Variants in IGF1 observed in about 807,000 individuals in gnomAD.
IGF1 encodes the protein insulin like growth factor 1.
In IGF1, 4 loss-of-function variants were observed where a neutral mutation model predicts 13.8. The observed-to-expected ratio is 0.29, with a 90% confidence interval of 0.14 to 0.66. The LOEUF is 0.66. Ranked by LOEUF, IGF1 falls within the 30% of genes least tolerant of loss-of-function variation. The pLI is 0.78. For synonymous variants in IGF1, 76 were observed against 72.6 expected (o/e 1.05, Z -0.23); for missense variants, 124 against 188.5 (o/e 0.66, Z 2.00).
Position 102,406,874 on chromosome 12 carries a change from C to G in IGF1, c.403-4308G>C, listed in dbSNP as rs372462241. Among the ~76,000 whole-genome samples the G allele has an allele frequency of 7.2e-5, 11 of 152,176 alleles. No individual in the cohort carries two copies. The East Asian group carries it at 1.7e-3, about 24-fold the overall frequency. On this transcript the variant is annotated intron_variant, in intron 3 of 3. Transcript: ENST00000337514. ...TTGGGAGGCCGAGGTGGGCAGATCA[C>G]TTGAGGTCAGGAGCTGGAGACCAGC...
chr12:102,442,398 A>C (rs544245408), intron 2 of IGF1, among the ~76,000 whole-genome samples: 8 of 152,212 alleles, frequency 5.3e-5, no homozygotes, highest in African/African-American at 1.7e-4. Context: ...TAATTCATTT[A>C]CTTGATATGA....
intron 2 of IGF1, among the ~76,000 whole-genome samples, chr12:102,459,285 G>A (rs747344501): frequency 3.9e-5 from 6 of 152,108 alleles, no homozygotes; most frequent in Non-Finnish European, 8.8e-5. Context: ...AATTTACATA[G>A]CCATGAATGG....
chr12:102,480,859 T>C (rs996088124), upstream of IGF1, among the ~76,000 whole-genome samples: 1 of 152,220 alleles, frequency 6.6e-6, no homozygotes, highest in Non-Finnish European at 1.5e-5. Context: ...CTGCTGGGCA[T>C]GAAGACACAA....
intron 2 of IGF1, among the ~76,000 whole-genome samples, chr12:102,437,161 G>C (rs1011488029): frequency 6.6e-6 from 1 of 152,236 alleles, no homozygotes; most frequent in African/African-American, 2.4e-5. Flanking sequence ...CACTCATTGA[G>C]AAGTCAACGG....
chr12:102,402,891 T>C (rs1049381547), intron 3 of IGF1, among the ~76,000 whole-genome samples: 3 of 152,248 alleles, frequency 2.0e-5, no homozygotes, highest in African/African-American at 7.2e-5. Context: ...TCCAGCCTTC[T>C]GGCCTCTAGA....
intron 2 of IGF1, among the ~76,000 whole-genome samples, chr12:102,441,906 G>GCTGCTTCTTCTTCTTCTTCTTTT: frequency 1.0e-5 from 1 of 100,292 alleles, no homozygotes; most frequent in Non-Finnish European, 2.1e-5. Flanking sequence ...CTATTACACT[G>GCTGCTTCTTCTTCTTCTTCTTTT]CTTCTTCTCC....
intron 2 of IGF1, among the ~76,000 whole-genome samples, chr12:102,452,211 G>A (rs550345770): frequency 1.5e-3 from 183 of 122,742 alleles, no homozygotes; most frequent in Admixed American, 3.3e-3. Flanking sequence ...GCAGTGAGCC[G>A]AGATCGCGCC....
chr12:102,440,401 TCA>T (rs1390414708), intron 2 of IGF1, among the ~76,000 whole-genome samples: 4 of 152,178 alleles, frequency 2.6e-5, no homozygotes. Flanking sequence ...TCATGGAATG[TCA>T]GAGCTGCAAG....
intron 2 of IGF1, among the ~76,000 whole-genome samples, chr12:102,441,875 C>A (rs188210149): frequency 7.9e-6 from 1 of 126,198 alleles, no homozygotes; most frequent in Non-Finnish European, 1.7e-5. Flanking sequence ...AAACTCAAGA[C>A]TTTCTGAGCA....
intron 2 of IGF1, among the ~76,000 whole-genome samples, chr12:102,426,059 T>C (rs967744502): frequency 6.6e-6 from 1 of 152,260 alleles, no homozygotes; most frequent in Non-Finnish European, 1.5e-5. Context: ...TAGCTACCAT[T>C]TTCTAGTTAT....
chr12:102,404,731 C>T (rs1286042053), intron 3 of IGF1, among the ~76,000 whole-genome samples: 2 of 151,028 alleles, frequency 1.3e-5, no homozygotes, highest in African/African-American at 4.9e-5. Context: ...CTGCTAAGTT[C>T]CCAGTAAACT....
intron 2 of IGF1, among the ~76,000 whole-genome samples, chr12:102,457,911 T>G (rs1879549831): frequency 6.6e-6 from 1 of 152,192 alleles, no homozygotes; most frequent in Admixed American, 6.5e-5. Flanking sequence ...CTGCTCTGGC[T>G]TTTTCGTTTC....
chr12:102,417,420 C>CAT, intron 3 of IGF1: 1 of 454,152 alleles, frequency 2.2e-6, no homozygotes, highest in South Asian at 9.3e-5. Context: ...TAACTCTGAA[C>CAT]ATATATTGAC....
rs116231652 is a variant in IGF1, at chr12:102,438,807, T to C, written c.221-19117A>G. Among the ~76,000 whole-genome samples, 674 of 152,284 alleles carry C rather than the reference T, an allele frequency of 4.4e-3. 4 individuals carry two copies. The highest frequency in any genetic ancestry group is 0.015 in the African/African-American group (641 of 41,558). On this transcript the variant is annotated intron_variant, in intron 2 of 3. Transcript: ENST00000337514. ...TTTATGGGATTGGTTCAGAATAACA[T>C]AACTCTGCTAAACTGAAAGGTCTTC... is the stretch of plus-strand genomic sequence containing the variant.
chr12:102,480,509 G>A lies in IGF1; in HGVS notation c.-128C>T, dbSNP rs1369880875. On this transcript the variant is annotated 5_prime_UTR_variant, in exon 1 of 4. Transcript: ENST00000337514. ...AATTTTGAGGACTTTATTCCATTGC[G>A]CAGGCTCTATCTGCTCTGAATTTAG... 3 of 1,540,614 alleles carry A rather than the reference G, an allele frequency of 1.9e-6. No homozygotes were observed. The highest frequency in any genetic ancestry group is 8.7e-7 in the Non-Finnish European group (1 of 1,143,494).
At chr12:102,480,763 A>C, upstream of IGF1, 1 of 382,406 alleles carries the variant, frequency 2.6e-6, no homozygotes. Flanking sequence ...TTTCCCTTAA[A>C]AGAATGTGTG....
Position 102,398,957 on chromosome 12 carries a change from A to G in IGF1, c.*3550T>C, listed in dbSNP as rs998628631. 6.6e-6 allele frequency: 1 copy of G among 152,546 alleles called. No homozygotes were observed. Among genetic ancestry groups the G allele is most frequent in the African/African-American group, 2.4e-5 (1 of 41,430 alleles). The allele number at this position is 152,546 out of a possible 1,614,324, so 9.4% of individuals were successfully genotyped here. On this transcript the variant is annotated 3_prime_UTR_variant, in exon 4 of 4. Transcript: ENST00000337514. ...AACAGAAACCCTGGAGCCACAGAGC[A>G]TGAGATGGTTTCATCTACACAAACA...
chr12:102,439,049 G>A (rs1380706908), intron 2 of IGF1, among the ~76,000 whole-genome samples: 1 of 152,210 alleles, frequency 6.6e-6, no homozygotes, highest in Non-Finnish European at 1.5e-5. Context: ...ATTCACTGCT[G>A]TAGCCACAAC....
At chr12:102,417,972 T>A (rs770824241) in intron 3 of IGF1, 47 of 1,613,054 alleles carry the variant, frequency 2.9e-5, no homozygotes, top group Non-Finnish European at 3.9e-5. Context: ...TCTCTGAGAC[T>A]TCGTGTTCTT....
Sources: allele counts gnomAD v4.1 joint callset (sites outside exome capture counted in the v4.1 genomes callset), GRCh38; gene constraint gnomAD v4.1.1; transcripts MANE v1.5; gene names NCBI Gene and HGNC (gene_info 2026-07-23, HGNC 2026-07-21).